BRINP1: variants seen among roughly 807,000 people sequenced by gnomAD.
BRINP1 encodes BMP/retinoic acid-inducible neural-specific protein 1.
BRINP1 carries 17 observed loss-of-function variants against 72.9 expected under a neutral mutation model. The observed-to-expected ratio is 0.23, with a 90% CI of 0.16 to 0.35. The LOEUF (loss-of-function observed/expected upper bound fraction) is 0.35. Among genes scored for constraint, BRINP1 ranks in the 10% least tolerant of loss-of-function variants. The probability of loss-of-function intolerance (pLI) is 1.00; values close to 1 mark genes in which losing one functional copy is unlikely to be tolerated. For synonymous variants in BRINP1, 418 were observed against 378.5 expected, an observed-to-expected ratio of 1.10 and a Z score of -1.21; for missense variants, 850 against 1,001.6, an observed-to-expected ratio of 0.85 and a Z score of 2.04.
At chr9:119,236,250 T>C (rs1830190732) in intron 5 of BRINP1, among the ~76,000 whole-genome samples, 1 of 152,178 alleles carries the variant, frequency 6.6e-6, no homozygotes, top group Non-Finnish European at 1.5e-5. Flanking sequence ...CCAGGTGTAC[T>C]CTAACCCATC....
intron 1 of BRINP1, among the ~76,000 whole-genome samples, chr9:119,338,039 C>T (rs1021672879): frequency 1.2e-4 from 18 of 152,096 alleles, no homozygotes; most frequent in African/African-American, 4.3e-4. Context: ...CAATTTCCAC[C>T]ACGTTTGAAA....
intron 1 of BRINP1, among the ~76,000 whole-genome samples, chr9:119,339,751 C>A (rs1831388764): frequency 6.6e-6 from 1 of 152,184 alleles, no homozygotes; most frequent in African/African-American, 2.4e-5. Context: ...ACAACTCACT[C>A]ATTATTTTAA....
intron 2 of BRINP1, among the ~76,000 whole-genome samples, chr9:119,283,587 G>A (rs953703837): frequency 6.6e-6 from 1 of 152,090 alleles, no homozygotes; most frequent in South Asian, 2.1e-4. Flanking sequence ...GGAGTGCGAC[G>A]GCACGATCTC....
intron 3 of BRINP1, 124 bp downstream of exon 3, chr9:119,248,836 G>T: frequency 2.4e-6 from 2 of 841,358 alleles, no homozygotes; most frequent in South Asian, 3.8e-5. Context: ...GGCTATAAAT[G>T]CTTTTGTGTG....
At chr9:119,296,354 G>A (rs4836754) in intron 2 of BRINP1, among the ~76,000 whole-genome samples, 7 of 152,026 alleles carry the variant, frequency 4.6e-5, no homozygotes, top group Admixed American at 3.9e-4. Context: ...TACCTTGCAC[G>A]TGTTAGAATA....
chr9:119,288,927 A>G (rs934556190), intron 2 of BRINP1, among the ~76,000 whole-genome samples: 1 of 152,092 alleles, frequency 6.6e-6, no homozygotes, highest in African/African-American at 2.4e-5. Context: ...CAGCCTCCCA[A>G]GTAGCTGGGA....
rs1294672680 is a variant in BRINP1, at chr9:119,214,073, C to A, written c.768G>T (p.Gly256=). 1 of 1,614,048 alleles carries A rather than the reference C, an allele frequency of 6.2e-7. No homozygotes were observed. The highest frequency in any genetic ancestry group is 8.5e-7 in the Non-Finnish European group (1 of 1,180,024). The change falls in exon 6 of 8, where the codon GGG becomes GGT. Residue 256 remains glycine, a synonymous_variant. Coordinates refer to ENST00000265922, the MANE Select transcript of BRINP1 (RefSeq NM_014618.3). ...ALSYIMCNGE[G]EYLCQNSQCR... is the part of the protein sequence containing the mutation. ...ACTGGCTGTTCTGGCACAGGTACTC[C>A]CCCTCCCCATTGCACATGATATAGC...
intron 1 of BRINP1, among the ~76,000 whole-genome samples, chr9:119,324,642 A>G (rs1285168331): frequency 1.3e-5 from 2 of 152,202 alleles, no homozygotes; most frequent in East Asian, 1.9e-4. Context: ...TGCTATCATT[A>G]ATGCTGACCC....
At chr9:119,291,258 G>A (rs1221130) in intron 2 of BRINP1, among the ~76,000 whole-genome samples, 9 of 151,902 alleles carry the variant, frequency 5.9e-5, no homozygotes, top group Middle Eastern at 3.2e-3. Flanking sequence ...TCAAGATTCC[G>A]TTGTGCAGTA....
chr9:119,249,851 G>GAAGGAAGA (rs1830361056), intron 2 of BRINP1, among the ~76,000 whole-genome samples: 1 of 78,980 alleles, frequency 1.3e-5, no homozygotes, highest in Admixed American at 1.2e-4. Context: ...AGGAAGGAAG[G>GAAGGAAGA]AAGGGAGGGA....
chr9:119,283,026 A>G, intron 2 of BRINP1: 3 of 985,464 alleles, frequency 3.0e-6, no homozygotes, highest in Non-Finnish European at 3.6e-6. Context: ...TTCAAAGCAG[A>G]AATTGATGAC....
At chr9:119,168,668 C>T (rs191782976) in intron 7 of BRINP1, among the ~76,000 whole-genome samples, 14 of 117,906 alleles carry the variant, frequency 1.2e-4, no homozygotes, top group Non-Finnish European at 2.4e-4. Flanking sequence ...TGTTTCAACC[C>T]CCATTACAGA....
intron 1 of BRINP1, among the ~76,000 whole-genome samples, chr9:119,313,866 G>A (rs1831097407): frequency 6.6e-6 from 1 of 152,184 alleles, no homozygotes; most frequent in Non-Finnish European, 1.5e-5. Flanking sequence ...ACCCTCTTCT[G>A]TCTTCACTAA....
chr9:119,195,447 G>A (rs748377595), intron 7 of BRINP1, among the ~76,000 whole-genome samples: 26 of 152,078 alleles, frequency 1.7e-4, no homozygotes, highest in Non-Finnish European at 3.2e-4. Context: ...CTTTGTAAAC[G>A]GGGAGGCCGA....
intron 6 of BRINP1, among the ~76,000 whole-genome samples, chr9:119,212,884 C>A (rs1158647229): frequency 6.6e-6 from 1 of 152,166 alleles, no homozygotes; most frequent in Non-Finnish European, 1.5e-5. Flanking sequence ...TCTAACATGC[C>A]TATCTAAAGG....
intron 7 of BRINP1, among the ~76,000 whole-genome samples, chr9:119,174,856 C>A (rs1380766261): frequency 6.6e-6 from 1 of 150,456 alleles, no homozygotes; most frequent in Admixed American, 6.6e-5. Flanking sequence ...TCTCAGTCAA[C>A]TATCGCAAGA....
At chr9:119,239,654 C>G (rs890367558) in intron 4 of BRINP1, among the ~76,000 whole-genome samples, 2 of 152,112 alleles carry the variant, frequency 1.3e-5, no homozygotes, top group African/African-American at 2.4e-5. Flanking sequence ...GCTGTGAAAC[C>G]TTGGATCAGT....
At chr9:119,230,271 C>T (rs990028) in intron 5 of BRINP1, among the ~76,000 whole-genome samples, 7,130 of 152,134 alleles carry the variant, frequency 0.047, 565 homozygotes, top group African/African-American at 0.16. Flanking sequence ...ATTTGAACAG[C>T]CTGGTGTTAA....
At chr9:119,209,045 A>T (rs1829890502) in intron 6 of BRINP1, 104 bp from the exon 7 acceptor site, 3 of 938,296 alleles carry the variant, frequency 3.2e-6, no homozygotes, top group Middle Eastern at 2.8e-4. Flanking sequence ...AGGCCTGCAA[A>T]CATAATTTTT....
Sources: gnomAD v4.1 joint callset for allele counts (sites outside exome capture counted in the v4.1 genomes callset) on GRCh38, gnomAD v4.1.1 for gene constraint, MANE v1.5 for transcripts, NCBI Gene and HGNC (gene_info 2026-07-23, HGNC 2026-07-21) for gene names.